CNTNAP2: variants seen among roughly 807,000 people sequenced by gnomAD.
CNTNAP2 encodes the protein contactin-associated protein-like 2.
In CNTNAP2, 98 loss-of-function variants were observed where a neutral mutation model predicts 155.2. The ratio of observed to expected loss-of-function variants is 0.63; its 90% CI spans 0.54 to 0.75. The LOEUF (loss-of-function observed/expected upper bound fraction) is 0.75, where lower values mean the gene tolerates loss of function less well. CNTNAP2 is among the 30% of genes least tolerant of loss of function. The pLI is 0.00. For missense variants in CNTNAP2, 1,727 were observed against 1,688.1 expected (o/e 1.02, Z -0.40); for synonymous variants, 651 against 631.2 (o/e 1.03, Z -0.47).
At chr7:148,109,626 T>C (rs1397535254) in intron 15 of CNTNAP2, among the ~76,000 whole-genome samples, 1 of 149,632 alleles carries the variant, frequency 6.7e-6, no homozygotes, top group African/African-American at 2.5e-5. Context: ...TCAGGTGATC[T>C]GCCCGCCTTG....
chr7:147,280,179 C>T (rs1804999840), intron 8 of CNTNAP2, among the ~76,000 whole-genome samples: 1 of 151,874 alleles, frequency 6.6e-6, no homozygotes, highest in African/African-American at 2.4e-5. Flanking sequence ...AGAAGAAAAT[C>T]AACAGTGAAA....
chr7:146,198,635 T>A (rs1404022672), intron 1 of CNTNAP2, among the ~76,000 whole-genome samples: 1 of 152,232 alleles, frequency 6.6e-6, no homozygotes, highest in African/African-American at 2.4e-5. Flanking sequence ...TTAAATGTTA[T>A]ACAAAGTGTG....
intron 9 of CNTNAP2, among the ~76,000 whole-genome samples, chr7:147,382,103 C>G (rs1796547037): frequency 6.6e-6 from 1 of 151,838 alleles, no homozygotes; most frequent in Non-Finnish European, 1.5e-5. Context: ...TTATATATGG[C>G]ATAATAATTT....
At chr7:147,449,540 T>C (rs1206777198) in intron 10 of CNTNAP2, among the ~76,000 whole-genome samples, 1 of 152,166 alleles carries the variant, frequency 6.6e-6, no homozygotes, top group Non-Finnish European at 1.5e-5. Flanking sequence ...GGAAGACAGC[T>C]TACACTTCAA....
intron 8 of CNTNAP2, among the ~76,000 whole-genome samples, chr7:147,275,730 T>G (rs1449358723): frequency 1.3e-5 from 2 of 152,096 alleles, no homozygotes; most frequent in East Asian, 3.9e-4. Context: ...GTGGGCATCC[T>G]TGTCTTGCTC....
chr7:147,618,708 T>TACACAC (rs112885206), intron 12 of CNTNAP2, among the ~76,000 whole-genome samples: 2 of 132,068 alleles, frequency 1.5e-5, no homozygotes, highest in East Asian at 2.0e-4. Context: ...ACAGCTATTA[T>TACACAC]ACACACACAC....
At chr7:147,249,768 T>A (rs995265795) in intron 8 of CNTNAP2, among the ~76,000 whole-genome samples, 1 of 152,158 alleles carries the variant, frequency 6.6e-6, no homozygotes, top group Non-Finnish European at 1.5e-5. Flanking sequence ...CCAGTTGTGA[T>A]ATAACTTTGG....
chr7:147,201,015 G>A (rs1256448025), intron 8 of CNTNAP2, among the ~76,000 whole-genome samples: 2 of 152,152 alleles, frequency 1.3e-5, no homozygotes, highest in African/African-American at 4.8e-5. Context: ...GATTTAAAAG[G>A]TAGAGAAACA....
intron 1 of CNTNAP2, among the ~76,000 whole-genome samples, chr7:146,527,729 T>C (rs2129138522): frequency 6.6e-6 from 1 of 152,160 alleles, no homozygotes; most frequent in Middle Eastern, 3.4e-3. Context: ...GATGTTAATA[T>C]TAAATCATAA....
chr7:146,663,772 A>G lies in CNTNAP2; in HGVS notation c.98-110499A>G, dbSNP rs933020572. ...TTCTGTAAAGTGTTTGGGATTTTCT[A>G]TATACGCCACCATGTCTACTGTGAA... On this transcript the variant is annotated intron_variant, in intron 1 of 23. Coordinates refer to ENST00000361727, the MANE Select transcript of CNTNAP2 (RefSeq NM_014141.6). Among the ~76,000 whole-genome samples the G allele has an allele frequency of 4.6e-5, 7 of 152,292 alleles. No homozygotes were observed. In the East Asian group the frequency reaches 7.7e-4, roughly 17 times the overall value.
At chr7:146,529,153 T>G (rs186208683) in intron 1 of CNTNAP2, among the ~76,000 whole-genome samples, 1 of 152,356 alleles carries the variant, frequency 6.6e-6, no homozygotes, top group Non-Finnish European at 1.5e-5. Context: ...CTTATGCATT[T>G]TTTATATGGA....
At chr7:146,344,375 C>A (rs1021504792) in intron 1 of CNTNAP2, among the ~76,000 whole-genome samples, 1 of 151,890 alleles carries the variant, frequency 6.6e-6, no homozygotes, top group Admixed American at 6.6e-5. Context: ...AGTTGAAATA[C>A]AATTACTTTC....
intron 2 of CNTNAP2, among the ~76,000 whole-genome samples, chr7:146,822,334 G>T (rs1173707905): frequency 1.3e-5 from 2 of 151,942 alleles, no homozygotes; most frequent in African/African-American, 4.8e-5. Flanking sequence ...CGTGGGGGCA[G>T]GGGGGAGTGA....
intron 11 of CNTNAP2, among the ~76,000 whole-genome samples, chr7:147,507,415 C>T (rs1439306898): frequency 6.6e-6 from 1 of 152,148 alleles, no homozygotes; most frequent in Non-Finnish European, 1.5e-5. Flanking sequence ...GTCCACCCTT[C>T]AACCCTTCAA....
chr7:147,604,920 A>G (rs1183988607), intron 12 of CNTNAP2, among the ~76,000 whole-genome samples: 4 of 152,204 alleles, frequency 2.6e-5, no homozygotes, highest in South Asian at 2.1e-4. Context: ...TTATTCCCAT[A>G]ATAGTCTTCA....
intron 14 of CNTNAP2, among the ~76,000 whole-genome samples, chr7:147,949,440 G>GTGTA (rs374972144): frequency 4.8e-4 from 61 of 127,364 alleles, no homozygotes; most frequent in African/African-American, 1.6e-3. Context: ...TCAACTGTGT[G>GTGTA]TATATATATA....
intron 13 of CNTNAP2, among the ~76,000 whole-genome samples, chr7:147,763,632 TG>T (rs1353961256): frequency 2.0e-5 from 3 of 152,094 alleles, no homozygotes; most frequent in African/African-American, 7.2e-5. Flanking sequence ...TTATTACATA[TG>T]GCAAGTTCTA....
intron 1 of CNTNAP2, among the ~76,000 whole-genome samples, chr7:146,131,400 A>G (rs1427850183): frequency 6.6e-6 from 1 of 152,198 alleles, no homozygotes. Context: ...TCAGAACACT[A>G]ATATATTCAT....
chr7:148,111,138 G>A (rs1199048486), intron 15 of CNTNAP2, among the ~76,000 whole-genome samples: 1 of 152,108 alleles, frequency 6.6e-6, no homozygotes, highest in African/African-American at 2.4e-5. Context: ...TCTAGTACTT[G>A]ACTGTTCGGT....
Sources: allele counts gnomAD v4.1 joint callset (sites outside exome capture counted in the v4.1 genomes callset), GRCh38; gene constraint gnomAD v4.1.1; transcripts MANE v1.5; gene names NCBI Gene and HGNC (gene_info 2026-07-23, HGNC 2026-07-21).